Variants in DLGAP2 observed in about 807,000 individuals in gnomAD.
The protein encoded by DLGAP2 is DLG associated protein 2, also known as disks large-associated protein 2.
DLGAP2 carries 26 observed loss-of-function variants against 100.3 expected under a neutral mutation model. That is an observed-to-expected ratio of 0.26 (90% CI 0.19 to 0.36). The LOEUF is 0.36. Ranked by LOEUF, DLGAP2 falls within the 10% of genes least tolerant of loss-of-function variation. DLGAP2 has a pLI of 1.00. For synonymous variants in DLGAP2, 886 were observed against 630.1 expected, an observed-to-expected ratio of 1.41 and a Z score of -6.08; for missense variants, 1,858 against 1,453.2, an observed-to-expected ratio of 1.28 and a Z score of -4.53.
intron 3 of DLGAP2, among the ~76,000 whole-genome samples, chr8:1,343,762 A>G (rs976548026): frequency 2.7e-5 from 4 of 150,628 alleles, no homozygotes; most frequent in South Asian, 2.1e-4. Flanking sequence ...AGGCCTCTCC[A>G]AGAGGCGGGG....
intron 4 of DLGAP2, among the ~76,000 whole-genome samples, chr8:1,547,462 C>G (rs757745085): frequency 4.6e-5 from 7 of 151,624 alleles, no homozygotes; most frequent in Middle Eastern, 3.4e-3. Context: ...GTCCTGGTGA[C>G]AAGGAGGAGG....
At chr8:1,510,223 G>A (rs1800111286) in intron 4 of DLGAP2, among the ~76,000 whole-genome samples, 1 of 152,198 alleles carries the variant, frequency 6.6e-6, no homozygotes, top group Non-Finnish European at 1.5e-5. Flanking sequence ...GAAACAGGCT[G>A]GCTTTCCCTG....
chr8:742,398 G>A (rs1820510314), intron 1 of DLGAP2, among the ~76,000 whole-genome samples: 1 of 152,184 alleles, frequency 6.6e-6, no homozygotes, highest in South Asian at 2.1e-4. Flanking sequence ...TACAAAAGAA[G>A]AAAAATGGGA....
At chr8:1,299,014 G>A (rs1463526989) in intron 3 of DLGAP2, among the ~76,000 whole-genome samples, 2 of 152,236 alleles carry the variant, frequency 1.3e-5, no homozygotes, top group African/African-American at 4.8e-5. Flanking sequence ...GAGCAAAGGT[G>A]GGCAAAGGCT....
At chr8:947,000 G>A (rs1799342376) in intron 2 of DLGAP2, among the ~76,000 whole-genome samples, 1 of 152,178 alleles carries the variant, frequency 6.6e-6, no homozygotes, top group African/African-American at 2.4e-5. Flanking sequence ...GCTGGACACC[G>A]GTGGCTGCAC....
intron 6 of DLGAP2, among the ~76,000 whole-genome samples, chr8:1,625,606 G>A (rs894892006): frequency 5.3e-5 from 8 of 152,112 alleles, no homozygotes; most frequent in Non-Finnish European, 8.8e-5. Context: ...TATTTTTTCT[G>A]TTATTTTTTA....
chr8:1,307,598 G>T (rs535948777), intron 3 of DLGAP2, among the ~76,000 whole-genome samples: 1 of 152,332 alleles, frequency 6.6e-6, no homozygotes, highest in East Asian at 1.9e-4. Flanking sequence ...AGTAGCCAAA[G>T]ATGGAAGCAG....
intron 2 of DLGAP2, among the ~76,000 whole-genome samples, chr8:1,174,122 G>A (rs1797197478): frequency 6.6e-6 from 1 of 152,116 alleles, no homozygotes; most frequent in African/African-American, 2.4e-5. Context: ...CAGGGCTTAG[G>A]GGAGATCTAA....
chr8:1,170,032 C>T (rs1300882350), intron 2 of DLGAP2, among the ~76,000 whole-genome samples: 1 of 151,722 alleles, frequency 6.6e-6, no homozygotes, highest in East Asian at 1.9e-4. Flanking sequence ...TCATAGATAG[C>T]TCTTATTATT....
At position 1,565,886 on chromosome 8, in the gene DLGAP2, G is replaced by C; in HGVS notation, c.1434G>C (p.Glu478Asp). Residue 478 changes from glutamate (E) to aspartate (D), a missense_variant, in exon 6 of 15, where the codon GAG becomes GAC. By Grantham distance (45) the Glu-to-Asp change is conservative (BLOSUM62 2). Transcript: ENST00000637795. ...LKSIGQRPLG[E>D]HQTQTYLQAA... The stretch of plus-strand genomic sequence containing the variant: ...CCATCGGACAGAGACCGCTTGGAGA[G>C]CACCAGACGTAAGTGAGACCAGCTG... 1.2e-6 allele frequency: 2 copies of C among 1,603,674 alleles called. No individual in the cohort carries two copies. Among genetic ancestry groups the C allele is most frequent in the Non-Finnish European group, 1.7e-6 (2 of 1,175,376 alleles).
chr8:1,321,261 G>A (rs1563081754), intron 3 of DLGAP2, among the ~76,000 whole-genome samples: 1 of 151,104 alleles, frequency 6.6e-6, no homozygotes, highest in Non-Finnish European at 1.5e-5. Flanking sequence ...GTGCATCTGT[G>A]CCATGTGCGT....
intron 2 of DLGAP2, among the ~76,000 whole-genome samples, chr8:1,175,998 C>G (rs116474864): frequency 6.6e-6 from 1 of 152,182 alleles, no homozygotes; most frequent in African/African-American, 2.4e-5. Flanking sequence ...ATACCATCCG[C>G]CCGATAAATA....
In DLGAP2 at chr8:742,608, G is replaced by T. The variant is rs188123885; in HGVS notation, c.18+4783G>T. Among the ~76,000 whole-genome samples the T allele has an allele frequency of 3.8e-3, 571 of 152,208 alleles. 18 individuals carry two copies. The highest frequency in any genetic ancestry group is 0.034 in the Admixed American group (522 of 15,278). ...ACTGCAGTCTTGACCTCCTGGGCAC[G>T]AGTGATCCTCCCACCTCAGCCTGTC... On this transcript the variant is annotated intron_variant, in intron 1 of 14. Transcript: ENST00000637795.
chr8:1,411,749 T>C (rs1796737425), intron 3 of DLGAP2, among the ~76,000 whole-genome samples: 1 of 152,176 alleles, frequency 6.6e-6, no homozygotes, highest in Non-Finnish European at 1.5e-5. Context: ...CTTCTAAAAT[T>C]ATTTCCGTGA....
intron 2 of DLGAP2, among the ~76,000 whole-genome samples, chr8:997,971 G>A (rs11779751): frequency 4.0e-4 from 61 of 151,902 alleles, no homozygotes; most frequent in Admixed American, 2.1e-3. Flanking sequence ...ATACACGCAT[G>A]CATGTACATG....
chr8:1,266,654 C>T (rs535787974), intron 3 of DLGAP2, among the ~76,000 whole-genome samples: 2 of 152,270 alleles, frequency 1.3e-5, no homozygotes, highest in South Asian at 2.1e-4. Context: ...CACGCACTGA[C>T]GTACGCCTCC....
At chr8:1,224,667 G>C (rs1798379646) in intron 2 of DLGAP2, among the ~76,000 whole-genome samples, 1 of 152,172 alleles carries the variant, frequency 6.6e-6, no homozygotes, top group African/African-American at 2.4e-5. Context: ...AATGAAAAGA[G>C]AGATTACTAC....
At position 1,430,024 on chromosome 8, in the gene DLGAP2, A is replaced by ATATATC. The variant is rs1237182156; in HGVS notation, c.107-71338_107-71337insTCTATA. Reference sequence around the variant, plus strand: ...TATATATACATATATATATATATATATATACACACACACACATATGAACTT... The same window carrying ATATATC: ...TATATATACATATATATATATATATATATATCTATACACACACACACATATGAACTT... On this transcript the variant is annotated intron_variant, in intron 3 of 14. Coordinates refer to ENST00000637795, the MANE Select transcript of DLGAP2 (RefSeq NM_001346810.2). 1.2e-4 allele frequency among the ~76,000 whole-genome samples: 12 copies of ATATATC among 97,004 alleles called. 1 individual carries two copies. Among genetic ancestry groups the ATATATC allele is most frequent in the Non-Finnish European group, 1.8e-4 (9 of 50,608 alleles). The allele number at this position is 97,004 out of a possible 152,430, so 63.6% of individuals were successfully genotyped here.
In DLGAP2 at chr8:1,441,636, C is replaced by T. The variant is rs183622699; in HGVS notation, c.107-59730C>T. Among the ~76,000 whole-genome samples, 148 of 145,732 alleles carry T rather than the reference C, an allele frequency of 1.0e-3. No homozygotes were observed. In the East Asian group the frequency reaches 0.016, roughly 16 times the overall value. ...CCAGGAGGCGGAGGTTGCAGTGAGC[C>T]GAGATCACACCACTGCACTCCAGCC... On this transcript the variant is annotated intron_variant, in intron 3 of 14. Transcript: ENST00000637795.
Sources: gnomAD v4.1 joint callset for allele counts (sites outside exome capture counted in the v4.1 genomes callset) on GRCh38, gnomAD v4.1.1 for gene constraint, MANE v1.5 for transcripts, NCBI Gene and HGNC (gene_info 2026-07-23, HGNC 2026-07-21) for gene names.